The following NCKAP5 variants were observed in gnomAD, a reference collection of about 807,000 sequenced individuals.
The protein encoded by NCKAP5 is nck-associated protein 5.
Under a neutral mutation model 167.0 loss-of-function variants are expected in NCKAP5, and 92 were observed. The observed-to-expected ratio is 0.55, with a 90% CI of 0.47 to 0.66. The LOEUF (loss-of-function observed/expected upper bound fraction) is 0.66, where lower values mean the gene tolerates loss of function less well. Among genes scored for constraint, NCKAP5 ranks in the 30% least tolerant of loss-of-function variants. The probability of loss-of-function intolerance (pLI) is 0.00; values close to 1 mark genes in which losing one functional copy is unlikely to be tolerated. For synonymous variants in NCKAP5, 891 were observed against 877.4 expected (o/e 1.02, Z -0.27); for missense variants, 2,378 against 2,315.0 (o/e 1.03, Z -0.56).
chr2:132,794,648 T>C (rs867698576), intron 12 of NCKAP5, among the ~76,000 whole-genome samples: 3 of 142,474 alleles, frequency 2.1e-5, no homozygotes, highest in Non-Finnish European at 3.1e-5. Flanking sequence ...CAACAACAAA[T>C]ACACACACAC....
At chr2:133,431,044 A>T (rs1690130190) in intron 3 of NCKAP5, among the ~76,000 whole-genome samples, 1 of 152,134 alleles carries the variant, frequency 6.6e-6, no homozygotes, top group Non-Finnish European at 1.5e-5. Context: ...AGAGTTTTCT[A>T]GCTACACAAT....
chr2:133,438,223 C>G (rs1690616716), intron 3 of NCKAP5, among the ~76,000 whole-genome samples: 1 of 152,200 alleles, frequency 6.6e-6, no homozygotes, highest in Non-Finnish European at 1.5e-5. Flanking sequence ...CAGCTTCTGG[C>G]AGCATGGCAT....
At chr2:133,081,191 ACT>A (rs1270640639) in intron 6 of NCKAP5, among the ~76,000 whole-genome samples, 1 of 152,244 alleles carries the variant, frequency 6.6e-6, no homozygotes, top group South Asian at 2.1e-4. Context: ...GCAAAAAAAA[ACT>A]CTCATAAAGC....
intron 8 of NCKAP5, among the ~76,000 whole-genome samples, chr2:132,893,961 G>C (rs1470387306): frequency 6.6e-6 from 1 of 152,180 alleles, no homozygotes; most frequent in African/African-American, 2.4e-5. Flanking sequence ...GAAAATTGTG[G>C]AAGGGCCCTG....
At chr2:133,530,187 C>T (rs1011263688) in intron 2 of NCKAP5, among the ~76,000 whole-genome samples, 11 of 151,966 alleles carry the variant, frequency 7.2e-5, no homozygotes, top group African/African-American at 2.7e-4. Flanking sequence ...AGTATTCCTC[C>T]CACGGATTTG....
intron 19 of NCKAP5, among the ~76,000 whole-genome samples, chr2:132,718,871 T>C (rs1334926362): frequency 6.6e-6 from 1 of 152,154 alleles, no homozygotes; most frequent in Non-Finnish European, 1.5e-5. Flanking sequence ...GAGTTGAATG[T>C]GCAAACAAAC....
At chr2:132,942,135 C>T (rs1262197794) in intron 8 of NCKAP5, among the ~76,000 whole-genome samples, 1 of 152,160 alleles carries the variant, frequency 6.6e-6, no homozygotes, top group Non-Finnish European at 1.5e-5. Context: ...ATAAACATAT[C>T]TTAATTGACA....
chr2:133,608,567 C>T, the NCKAP5 span, among the ~76,000 whole-genome samples: 4 of 152,182 alleles, frequency 2.6e-5, no homozygotes, highest in African/African-American at 4.8e-5. Context: ...AGTCAGTGTT[C>T]TTCCCTGGAT....
intron 3 of NCKAP5, among the ~76,000 whole-genome samples, chr2:133,447,904 G>A (rs1432315363): frequency 1.3e-5 from 2 of 152,142 alleles, no homozygotes; most frequent in East Asian, 3.9e-4. Flanking sequence ...CTGAGACAGG[G>A]TGCCACATGT....
At chr2:132,887,319 T>TTATCTATCTATC (rs142083213) in intron 8 of NCKAP5, among the ~76,000 whole-genome samples, 24,129 of 140,678 alleles carry the variant, frequency 0.17, 2,136 homozygotes, top group South Asian at 0.24. Context: ...AACTTTTATT[T>TTATCTATCTATC]TATCTATCTA....
At chr2:133,511,373 G>A (rs571769268) in intron 3 of NCKAP5, among the ~76,000 whole-genome samples, 6 of 151,286 alleles carry the variant, frequency 4.0e-5, no homozygotes, top group African/African-American at 7.3e-5. Context: ...CATGGGACCC[G>A]GAGATCTGCA....
At chr2:133,317,840 A>C (rs1681726792) in intron 3 of NCKAP5, among the ~76,000 whole-genome samples, 1 of 152,206 alleles carries the variant, frequency 6.6e-6, no homozygotes, top group South Asian at 2.1e-4. Context: ...CTGGCTGGCA[A>C]TCCTCATTTC....
chr2:133,212,813 T>C (rs1574399056), intron 5 of NCKAP5, among the ~76,000 whole-genome samples: 1 of 152,226 alleles, frequency 6.6e-6, no homozygotes, highest in East Asian at 1.9e-4. Context: ...ACATTTGGCA[T>C]CTTACTCTAG....
the NCKAP5 span, among the ~76,000 whole-genome samples, chr2:133,642,625 A>T: frequency 1.3e-5 from 2 of 152,218 alleles, no homozygotes; most frequent in African/African-American, 4.8e-5. Flanking sequence ...ATGTTTTGCA[A>T]GCAGGCTGAA....
intron 3 of NCKAP5, among the ~76,000 whole-genome samples, chr2:133,441,797 TCA>T (rs1690878271): frequency 6.6e-6 from 1 of 152,202 alleles, no homozygotes; most frequent in Non-Finnish European, 1.5e-5. Context: ...ATAGGATATC[TCA>T]GTTTCTTTAG....
intron 8 of NCKAP5, among the ~76,000 whole-genome samples, chr2:132,917,140 A>T (rs929332769): frequency 6.6e-6 from 1 of 152,206 alleles, no homozygotes; most frequent in Non-Finnish European, 1.5e-5. Context: ...CTAAGCAGAA[A>T]GATATGCAGT....
chr2:133,662,581 T>C, the NCKAP5 span, among the ~76,000 whole-genome samples: 1 of 147,670 alleles, frequency 6.8e-6, no homozygotes, highest in East Asian at 2.2e-4. Flanking sequence ...TATAAAGAAT[T>C]TGATCACAAT....
chr2:132,861,500 AT>A (rs1689908208), intron 10 of NCKAP5, among the ~76,000 whole-genome samples: 1 of 104,486 alleles, frequency 9.6e-6, no homozygotes, highest in African/African-American at 4.9e-5. Flanking sequence ...CCTGATGTTA[AT>A]AAAAAAAAAA....
chr2:133,313,149 A>G (rs1681364297), intron 3 of NCKAP5, among the ~76,000 whole-genome samples: 1 of 152,198 alleles, frequency 6.6e-6, no homozygotes, highest in Non-Finnish European at 1.5e-5. Context: ...GATGGAAACT[A>G]GCTACAGAAT....
Sources: allele counts gnomAD v4.1 joint callset (sites outside exome capture counted in the v4.1 genomes callset), GRCh38; gene constraint gnomAD v4.1.1; transcripts MANE v1.5; gene names NCBI Gene and HGNC (gene_info 2026-07-23, HGNC 2026-07-21).